HEATR5B: variants seen among roughly 807,000 people sequenced by gnomAD.
HEATR5B encodes the protein HEAT repeat-containing protein 5B.
HEATR5B carries 156 observed loss-of-function variants against 224.1 expected under a neutral mutation model. The ratio of observed to expected loss-of-function variants is 0.70; its 90% CI spans 0.61 to 0.80. The LOEUF (loss-of-function observed/expected upper bound fraction) is 0.80, where lower values mean the gene tolerates loss of function less well. Ranked by LOEUF, HEATR5B falls within the 30% of genes least tolerant of loss-of-function variation. HEATR5B has a pLI of 0.00. For synonymous variants in HEATR5B, 1,027 were observed against 893.0 expected (o/e 1.15, Z -2.68); for missense variants, 2,323 against 2,535.5 (o/e 0.92, Z 1.80).
Position 37,019,881 on chromosome 2 carries a change from GAAAAATAAA to G in HEATR5B, c.4036-13_4036-5del. 6.3e-7 allele frequency: 1 copy of G among 1,588,350 alleles called. No homozygotes were observed. Among genetic ancestry groups the G allele is most frequent in the Non-Finnish European group, 8.6e-7 (1 of 1,163,524 alleles). ...CTGGTCTTAGAGCAGCTCCCACCTA[GAAAAATAAA>G]TAAAGCATTTTATTTTTTACTTTTA... On this transcript the variant is annotated splice_region_variant and splice_polypyrimidine_tract_variant and intron_variant, in intron 25 of 35. Coordinates refer to ENST00000233099, the MANE Select transcript of HEATR5B (RefSeq NM_019024.3).
At chr2:37,071,754 G>A (rs1227470845) in intron 6 of HEATR5B, among the ~76,000 whole-genome samples, 1 of 151,268 alleles carries the variant, frequency 6.6e-6, no homozygotes, top group Admixed American at 6.6e-5. Flanking sequence ...GTGCGATCTT[G>A]GCTCACTGCA....
chr2:37,016,562 T>C (rs1279575233), intron 26 of HEATR5B, among the ~76,000 whole-genome samples: 2 of 152,226 alleles, frequency 1.3e-5, no homozygotes, highest in Non-Finnish European at 2.9e-5. Context: ...CACACAGATG[T>C]ATCTGCAACA....
At chr2:37,029,521 G>A (rs1242336185) in intron 22 of HEATR5B, among the ~76,000 whole-genome samples, 1 of 152,072 alleles carries the variant, frequency 6.6e-6, no homozygotes, top group Non-Finnish European at 1.5e-5. Context: ...AAATTTAGCT[G>A]GGCATGGTGG....
chr2:37,071,586 T>G (rs1671909703), intron 6 of HEATR5B, among the ~76,000 whole-genome samples: 1 of 152,228 alleles, frequency 6.6e-6, no homozygotes, highest in South Asian at 2.1e-4. Flanking sequence ...TTCATAAATC[T>G]TATGTGCTTA....
intron 19 of HEATR5B, among the ~76,000 whole-genome samples, 187 bp from the exon 20 acceptor site, chr2:37,040,705 TATA>T (rs1393827650): frequency 3.3e-5 from 5 of 152,162 alleles, no homozygotes; most frequent in Admixed American, 1.3e-4. Flanking sequence ...TTTACTTATG[TATA>T]ATAACGTCTA....
At chr2:37,053,020 C>CTT (rs1670657898) in intron 17 of HEATR5B, among the ~76,000 whole-genome samples, 1 of 152,056 alleles carries the variant, frequency 6.6e-6, no homozygotes, top group Admixed American at 6.6e-5. Flanking sequence ...CTTCTTCATA[C>CTT]CTGTAGAAAC....
At chr2:37,051,762 CAG>C (rs1263478751) in intron 17 of HEATR5B, among the ~76,000 whole-genome samples, 2 of 151,560 alleles carry the variant, frequency 1.3e-5, no homozygotes, top group Admixed American at 1.3e-4. Context: ...TTTTCTGAGA[CAG>C]AGTCTTGCTC....
At chr2:37,052,327 T>C (rs1255216684) in intron 17 of HEATR5B, among the ~76,000 whole-genome samples, 1 of 152,154 alleles carries the variant, frequency 6.6e-6, no homozygotes, top group African/African-American at 2.4e-5. Context: ...GTCTGAACCA[T>C]GGGATTAGGA....
intron 9 of HEATR5B, 24 bp downstream of exon 9, chr2:37,065,731 C>T: frequency 6.3e-7 from 1 of 1,590,528 alleles, no homozygotes; most frequent in South Asian, 1.1e-5. Flanking sequence ...GAAACACATA[C>T]TAGCAAGTAA....
At chr2:37,020,859 A>C in intron 24 of HEATR5B, 23 bp from the exon 25 acceptor site, 1 of 1,394,410 alleles carries the variant, frequency 7.2e-7, no homozygotes, top group South Asian at 1.6e-5. Flanking sequence ...ATAGAATGCA[A>C]AAATGAAAAC....
At chr2:37,030,665 T>A (rs1669073024) in intron 22 of HEATR5B, among the ~76,000 whole-genome samples, 1 of 152,248 alleles carries the variant, frequency 6.6e-6, no homozygotes, top group Admixed American at 6.5e-5. Flanking sequence ...GTTGTAATTA[T>A]TATTTTTAAT....
intron 2 of HEATR5B, among the ~76,000 whole-genome samples, chr2:37,080,585 T>C (rs764857719): frequency 6.6e-5 from 10 of 152,118 alleles, no homozygotes; most frequent in Non-Finnish European, 1.3e-4. Context: ...GGTCATTTCC[T>C]GAGATAGAGA....
chr2:37,037,247 G>A (rs1229412704), intron 21 of HEATR5B, among the ~76,000 whole-genome samples: 2 of 149,678 alleles, frequency 1.3e-5, no homozygotes, highest in South Asian at 2.1e-4. Flanking sequence ...CTGGGTTCAA[G>A]CGATTCTCCT....
At chr2:36,995,988 T>C (rs1217452759) in intron 33 of HEATR5B, among the ~76,000 whole-genome samples, 2 of 150,820 alleles carry the variant, frequency 1.3e-5, no homozygotes, top group Non-Finnish European at 3.0e-5. Flanking sequence ...TGGGCTCAAG[T>C]GATCCTCCCA....
At chr2:37,073,702 CTTAATAT>C (rs1672048422) in intron 5 of HEATR5B, among the ~76,000 whole-genome samples, 1 of 152,132 alleles carries the variant, frequency 6.6e-6, no homozygotes. Flanking sequence ...GGGTGGAAGA[CTTAATAT>C]TATTAGGATG....
intron 33 of HEATR5B, among the ~76,000 whole-genome samples, chr2:36,993,995 C>T (rs140634689): frequency 5.2e-4 from 79 of 152,140 alleles, no homozygotes; most frequent in Non-Finnish European, 1.1e-3. Flanking sequence ...GGCTCTATGA[C>T]GGTTATTATT....
chr2:37,061,282 T>G (rs1274034191), intron 11 of HEATR5B, among the ~76,000 whole-genome samples: 1 of 152,208 alleles, frequency 6.6e-6, no homozygotes, highest in African/African-American at 2.4e-5. Flanking sequence ...CTGAACATAC[T>G]TAACATAAAC....
chr2:37,060,134 T>C (rs942971730), intron 12 of HEATR5B, among the ~76,000 whole-genome samples: 22 of 152,160 alleles, frequency 1.4e-4, no homozygotes, highest in Admixed American at 2.6e-4. Context: ...ATCTGAAAAA[T>C]ATATGAAGGT....
intron 18 of HEATR5B, among the ~76,000 whole-genome samples, chr2:37,048,778 C>T (rs1670356725): frequency 6.6e-6 from 1 of 152,150 alleles, no homozygotes; most frequent in Non-Finnish European, 1.5e-5. Context: ...TCATACTATC[C>T]TTAGTGCATT....
Sources: allele counts gnomAD v4.1 joint callset (sites outside exome capture counted in the v4.1 genomes callset), GRCh38; gene constraint gnomAD v4.1.1; transcripts MANE v1.5; gene names NCBI Gene and HGNC (gene_info 2026-07-23, HGNC 2026-07-21).